Variants in USP32 observed in about 807,000 individuals in gnomAD.
The protein encoded by USP32 is ubiquitin carboxyl-terminal hydrolase 32.
USP32 carries 59 observed loss-of-function variants against 204.8 expected under a neutral mutation model. The ratio of observed to expected loss-of-function variants is 0.29; its 90% CI spans 0.23 to 0.36. USP32 has a LOEUF of 0.36. Among genes scored for constraint, USP32 ranks in the 10% least tolerant of loss-of-function variants. USP32 has a pLI of 1.00. For synonymous variants in USP32, 517 were observed against 678.4 expected (o/e 0.76, Z 3.70); for missense variants, 1,160 against 1,946.4 (o/e 0.60, Z 7.60).
intron 32 of USP32, among the ~76,000 whole-genome samples, chr17:60,180,974 C>G (rs2084096440): frequency 6.6e-6 from 1 of 151,928 alleles, no homozygotes; most frequent in Non-Finnish European, 1.5e-5. Flanking sequence ...ACTTGACCTC[C>G]TGGGCTCAGG....
chr17:60,354,297 T>C (rs1396917358), intron 1 of USP32, among the ~76,000 whole-genome samples: 2 of 152,192 alleles, frequency 1.3e-5, no homozygotes, highest in Non-Finnish European at 2.9e-5. Flanking sequence ...TCTCTATTTC[T>C]TTAAGACAGC....
intron 1 of USP32, among the ~76,000 whole-genome samples, chr17:60,407,781 C>CAAAAA (rs750848462): frequency 1.9e-4 from 7 of 35,934 alleles, no homozygotes; most frequent in African/African-American, 5.7e-4. Context: ...GCCTCTGTCT[C>CAAAAA]AAAAAAAAAA....
chr17:60,206,034 A>G (rs2084817828), intron 25 of USP32, among the ~76,000 whole-genome samples: 1 of 152,062 alleles, frequency 6.6e-6, no homozygotes, highest in Non-Finnish European at 1.5e-5. Flanking sequence ...TAAAATTTAA[A>G]TTAGGCTGGA....
chr17:60,254,264 G>T (rs1156429691), intron 10 of USP32, among the ~76,000 whole-genome samples: 2 of 152,192 alleles, frequency 1.3e-5, no homozygotes, highest in African/African-American at 4.8e-5. Flanking sequence ...GTTAAAATTT[G>T]GCAAGCTCTG....
intron 1 of USP32, among the ~76,000 whole-genome samples, chr17:60,347,631 G>A (rs1341676613): frequency 4.0e-5 from 6 of 151,002 alleles, no homozygotes; most frequent in African/African-American, 1.5e-4. Flanking sequence ...GGGATTACAG[G>A]CGTGAGCCAC....
chr17:60,396,499 G>A (rs1349818480), upstream of USP32, among the ~76,000 whole-genome samples: 4 of 152,166 alleles, frequency 2.6e-5, no homozygotes, highest in African/African-American at 4.8e-5. Context: ...CTAATCTGCA[G>A]TTAAAGAAAT....
chr17:60,413,973 TG>T (rs2090039886), intron 1 of USP32, among the ~76,000 whole-genome samples: 1 of 152,072 alleles, frequency 6.6e-6, no homozygotes, highest in South Asian at 2.1e-4. Flanking sequence ...ATGGTTGGTT[TG>T]GGAACAGTCC....
rs1433385563 is a variant in USP32 at position 60,202,169 on chromosome 17, TTCTC to T, written c.3249+3274_3249+3277del. ...GCACCACTTGCTGAGAAAACTATCT[TTCTC>T]TCACCACTCTGCAATGTTATCTTTG... is the stretch of plus-strand genomic sequence containing the variant. On this transcript the variant is annotated intron_variant, in intron 26 of 33. Transcript: ENST00000300896. Among the ~76,000 whole-genome samples the T allele has an allele frequency of 2.0e-5, 3 of 152,236 alleles. No individual in the cohort carries two copies. In the East Asian group the frequency reaches 5.8e-4, roughly 29 times the overall value.
intron 1 of USP32, among the ~76,000 whole-genome samples, chr17:60,417,812 C>G (rs1285751604): frequency 1.3e-5 from 2 of 150,066 alleles, no homozygotes; most frequent in Non-Finnish European, 3.0e-5. Context: ...TATTTTGAGA[C>G]AGAGTCTTGC....
chr17:60,397,200 C>T (rs908397262), intron 1 of USP32, among the ~76,000 whole-genome samples: 5 of 152,216 alleles, frequency 3.3e-5, no homozygotes, highest in Admixed American at 2.0e-4. Context: ...TACCTTACTT[C>T]AGTTTCTAGA....
Position 60,181,377 on chromosome 17 carries a change from C to A in USP32, c.4495G>T (p.Asp1499Tyr), listed in dbSNP as rs1220812001. 1 of 1,613,858 alleles carries A rather than the reference C, an allele frequency of 6.2e-7. No individual in the cohort carries two copies. Among genetic ancestry groups the A allele is most frequent in the Admixed American group, 1.7e-5 (1 of 60,016 alleles). The change falls in exon 32 of 34, where the codon GAC becomes TAC. Residue 1499 changes from aspartate (D) to tyrosine (Y), a missense_variant. Physicochemically the swap from Asp to Tyr is radical, Grantham distance 160. Around this residue, in one of 8 missense-constraint regions of USP32, gnomAD observed 244 missense variants for 342.3 expected, o/e 0.71. Transcript: ENST00000300896. ...GNHSEEDSTD[D>Y]QREDTRIKPI... Reference sequence around the variant, plus strand: ...TTAATACGAGTATCTTCTCTTTGGTCATCAGTGCTGTCTTCTTCACTGTGG... The same window carrying A: ...TTAATACGAGTATCTTCTCTTTGGTAATCAGTGCTGTCTTCTTCACTGTGG...
Position 60,219,757 on chromosome 17 carries a change from C to G in USP32, c.1780G>C (p.Glu594Gln). The change falls in exon 16 of 34, where the codon GAG (glutamate) becomes CAG (glutamine). Residue 594 changes from glutamate to glutamine, a missense_variant. By Grantham distance (29) the Glu-to-Gln change is conservative. Around this residue, in one of 8 missense-constraint regions of USP32, gnomAD observed 37 missense variants for 62.6 expected, o/e 0.59. Transcript: ENST00000300896. ...AGATAGCGGGGAAATAATTCCAGCT[C>G]TGGGATGTCTGTCTTGCTGTTCTTG... ...VIKNSKTDIP[E>Q]LELFPRYLLF... The G allele has an allele frequency of 1.9e-6, 3 of 1,612,382 alleles. No individual in the cohort carries two copies. The highest frequency in any genetic ancestry group is 2.5e-6 in the Non-Finnish European group (3 of 1,179,400).
intron 33 of USP32, among the ~76,000 whole-genome samples, chr17:60,180,020 T>C (rs1044314130): frequency 6.6e-6 from 1 of 151,230 alleles, no homozygotes; most frequent in Non-Finnish European, 1.5e-5. Context: ...TTGCATTAAC[T>C]AACTCCTGTT....
chr17:60,295,154 C>G (rs897799779), intron 3 of USP32, among the ~76,000 whole-genome samples: 6 of 151,810 alleles, frequency 4.0e-5, no homozygotes, highest in Non-Finnish European at 8.8e-5. Flanking sequence ...ATTCCAGAAA[C>G]TCCACTTCCA....
Position 60,338,991 on chromosome 17 carries a change from C to T in USP32, c.186+6490G>A, listed in dbSNP as rs183739641. Among the ~76,000 whole-genome samples, 110 of 152,016 alleles carry T rather than the reference C, an allele frequency of 7.2e-4. 1 individual carries two copies. The highest frequency in any genetic ancestry group is 2.6e-3 in the African/African-American group (107 of 41,470). On this transcript the variant is annotated intron_variant, in intron 2 of 33. Transcript: ENST00000300896. Reference sequence around the variant, plus strand: ...GTGACGTGATCTTGGCTGATTGCAACCTCTGTCTCCTGGGTTCAAGCAATT... The same window carrying T: ...GTGACGTGATCTTGGCTGATTGCAATCTCTGTCTCCTGGGTTCAAGCAATT...
intron 33 of USP32, 65 bp from the exon 34 acceptor site, chr17:60,179,493 G>C: frequency 6.3e-7 from 1 of 1,581,452 alleles, no homozygotes; most frequent in Non-Finnish European, 8.6e-7. Flanking sequence ...TCCTTGCCAG[G>C]AAAGGGAAGA....
intron 1 of USP32, among the ~76,000 whole-genome samples, chr17:60,406,603 C>T (rs994071034): frequency 4.6e-5 from 7 of 151,908 alleles, no homozygotes; most frequent in Non-Finnish European, 1.0e-4. Flanking sequence ...GTAATCTCCA[C>T]CTCCCAGGTT....
At chr17:60,276,134 T>C (rs1305633657) in intron 5 of USP32, among the ~76,000 whole-genome samples, 2 of 152,086 alleles carry the variant, frequency 1.3e-5, no homozygotes, top group Admixed American at 6.6e-5. Flanking sequence ...ATCCCAGAAC[T>C]TTGGGAAGCC....
At position 60,398,131 on chromosome 17, in the gene USP32, A is replaced by G. The variant is rs1040196743; in HGVS notation, c.106+24115T>C. On this transcript the variant is annotated intron_variant, in intron 1 of 3. Transcript: ENST00000588898. ...TGTAATCCAAGCACTTTGGGCAGCC[A>G]AGGCAGTAGGATTGCTTGGGCCAAG... Among the ~76,000 whole-genome samples the G allele has an allele frequency of 3.9e-5, 6 of 152,188 alleles. No individual in the cohort carries two copies. In the East Asian group the frequency reaches 9.6e-4, roughly 24 times the overall value.
Sources: gnomAD v4.1 joint callset for allele counts (sites outside exome capture counted in the v4.1 genomes callset) on GRCh38, gnomAD v4.1.1 for gene constraint, gnomAD v4.1.1 regional missense constraint, MANE v1.5 for transcripts, NCBI Gene and HGNC (gene_info 2026-07-23, HGNC 2026-07-21) for gene names.